Variants in NCALD observed in about 807,000 individuals in gnomAD.
NCALD encodes the protein neurocalcin delta.
A neutral mutation model predicts 18.6 loss-of-function variants in NCALD; 10 were observed. The ratio of observed to expected loss-of-function variants is 0.54; its 90% CI spans 0.33 to 0.91. NCALD has a LOEUF of 0.91. Ranked by LOEUF, NCALD falls within the 40% of genes least tolerant of loss-of-function variation. NCALD has a pLI of 0.03. For synonymous variants in NCALD, 88 were observed against 87.4 expected, an observed-to-expected ratio of 1.01 and a Z score of -0.04; for missense variants, 184 against 247.6, an observed-to-expected ratio of 0.74 and a Z score of 1.72.
rs529753237 is a variant in NCALD, at chr8:102,034,446, T to C, written c.-209-14157A>G. Among the ~76,000 whole-genome samples the C allele has an allele frequency of 3.9e-5, 6 of 152,306 alleles. No individual in the cohort carries two copies. The East Asian group carries it at 1.2e-3, about 29-fold the overall frequency. ...AAGTTTATATATGGGTGGAGGGCTGTGTATGGATGAAAAAGAGACAAAGGG... is the reference window on the plus strand; with the variant it reads ...AAGTTTATATATGGGTGGAGGGCTGCGTATGGATGAAAAAGAGACAAAGGG... On this transcript the variant is annotated intron_variant, in intron 1 of 6. Coordinates refer to the NCALD transcript ENST00000311028.
chr8:102,058,170 G>A (rs1042799105), intron 1 of NCALD, among the ~76,000 whole-genome samples: 2 of 152,206 alleles, frequency 1.3e-5, no homozygotes, highest in Non-Finnish European at 2.9e-5. Flanking sequence ...TGGTTAGAAA[G>A]GAAGGTGAGC....
chr8:102,089,103 C>T (rs536836033), intron 1 of NCALD, among the ~76,000 whole-genome samples: 1 of 152,110 alleles, frequency 6.6e-6, no homozygotes, highest in Non-Finnish European at 1.5e-5. Context: ...AATTAAGAAA[C>T]AGGCAAATAG....
chr8:101,873,889 A>G (rs950320600), intron 4 of NCALD, among the ~76,000 whole-genome samples: 1 of 152,216 alleles, frequency 6.6e-6, no homozygotes, highest in African/African-American at 2.4e-5. Flanking sequence ...TGCTACAACC[A>G]AGGATAGCAT....
intron 3 of NCALD, among the ~76,000 whole-genome samples, chr8:101,907,802 G>A (rs1432409797): frequency 6.6e-6 from 1 of 152,140 alleles, no homozygotes; most frequent in Non-Finnish European, 1.5e-5. Flanking sequence ...AGCATGTCTG[G>A]TATTACATTT....
At chr8:101,921,257 TAAA>T (rs55994629) in intron 2 of NCALD, among the ~76,000 whole-genome samples, 4 of 136,394 alleles carry the variant, frequency 2.9e-5, no homozygotes, top group South Asian at 4.7e-4. Flanking sequence ...CAGAAATGTG[TAAA>T]AAAAAAAAAA....
At chr8:101,692,425 C>T (rs906265112) in intron 3 of NCALD, 61 of 985,276 alleles carry the variant, frequency 6.2e-5, no homozygotes, top group Non-Finnish European at 7.1e-5. Flanking sequence ...CAACCCTCTC[C>T]CCATTTTGAT....
intron 2 of NCALD, among the ~76,000 whole-genome samples, chr8:102,016,117 AG>A (rs1222538370): frequency 1.3e-5 from 2 of 152,178 alleles, no homozygotes; most frequent in Non-Finnish European, 2.9e-5. Context: ...ATTCTTGGAA[AG>A]GGGTACAAGC....
intron 4 of NCALD, among the ~76,000 whole-genome samples, chr8:101,837,498 C>A (rs1337782817): frequency 1.3e-5 from 2 of 152,164 alleles, no homozygotes; most frequent in Admixed American, 1.3e-4. Flanking sequence ...CAAGTAGAAA[C>A]TTCTGCTCCA....
At chr8:101,960,836 C>T (rs918460302) in intron 2 of NCALD, among the ~76,000 whole-genome samples, 3 of 151,986 alleles carry the variant, frequency 2.0e-5, no homozygotes, top group South Asian at 2.1e-4. Flanking sequence ...TTGAATATAC[C>T]GGCTCCTTCC....
chr8:101,994,623 G>A (rs957497515), intron 2 of NCALD, among the ~76,000 whole-genome samples: 2 of 152,264 alleles, frequency 1.3e-5, no homozygotes, highest in African/African-American at 4.8e-5. Flanking sequence ...GGGCAAGGTT[G>A]CCATGTGCAT....
intron 3 of NCALD, among the ~76,000 whole-genome samples, chr8:101,898,921 T>A (rs1055860679): frequency 6.6e-6 from 1 of 152,128 alleles, no homozygotes; most frequent in Non-Finnish European, 1.5e-5. Flanking sequence ...AAAATTCTTG[T>A]TGGAATTTTT....
chr8:101,784,426 T>C (rs1312609607), intron 1 of NCALD, among the ~76,000 whole-genome samples: 1 of 152,152 alleles, frequency 6.6e-6, no homozygotes, highest in African/African-American at 2.4e-5. Context: ...ACTCTATCAG[T>C]TGGACCAATC....
chr8:102,028,539 A>G (rs188638294), intron 1 of NCALD, among the ~76,000 whole-genome samples: 3 of 152,314 alleles, frequency 2.0e-5, no homozygotes, highest in African/African-American at 4.8e-5. Context: ...GGGGAACCCA[A>G]CCTTCTGATG....
At chr8:102,095,566 A>T (rs1254308650) in intron 1 of NCALD, among the ~76,000 whole-genome samples, 1 of 152,212 alleles carries the variant, frequency 6.6e-6, no homozygotes, top group East Asian at 1.9e-4. Context: ...TAGTGGGTTC[A>T]TTAAAAGGTT....
chr8:101,786,858 T>C (rs1276472871), intron 1 of NCALD, among the ~76,000 whole-genome samples: 1 of 152,190 alleles, frequency 6.6e-6, no homozygotes, highest in African/African-American at 2.4e-5. Context: ...TATTCTGGTT[T>C]ACATTAATGT....
chr8:101,893,178 T>A (rs1816985223), intron 3 of NCALD, among the ~76,000 whole-genome samples: 1 of 151,994 alleles, frequency 6.6e-6, no homozygotes, highest in South Asian at 2.1e-4. Flanking sequence ...GCAGAAACCC[T>A]ACAAGCCAGA....
intron 1 of NCALD, among the ~76,000 whole-genome samples, chr8:101,787,938 T>C (rs1270823512): frequency 6.6e-6 from 1 of 152,212 alleles, no homozygotes. Context: ...GCCCATGGTT[T>C]TAACTCGCAT....
intron 3 of NCALD, chr8:101,691,934 G>C (rs1350535534): frequency 1.0e-6 from 1 of 985,324 alleles, no homozygotes; most frequent in Non-Finnish European, 1.2e-6. Context: ...ACAGAGCCGG[G>C]CCCTGAGCTG....
At chr8:101,778,468 C>A (rs1400667338) in intron 1 of NCALD, among the ~76,000 whole-genome samples, 1 of 151,296 alleles carries the variant, frequency 6.6e-6, no homozygotes, top group African/African-American at 2.4e-5. Flanking sequence ...GAACAAAGGA[C>A]AAAGAAGGTA....
Sources: allele counts gnomAD v4.1 joint callset (sites outside exome capture counted in the v4.1 genomes callset), GRCh38; gene constraint gnomAD v4.1.1; transcripts MANE v1.5; gene names NCBI Gene and HGNC (gene_info 2026-07-23, HGNC 2026-07-21).